NRP1: variants seen among roughly 807,000 people sequenced by gnomAD.
NRP1 encodes the protein neuropilin 1, also known as neuropilin-1.
NRP1 carries 35 observed loss-of-function variants against 106.7 expected under a neutral mutation model. The ratio of observed to expected loss-of-function variants is 0.33; its 90% CI spans 0.25 to 0.43. The LOEUF is 0.43. NRP1 is among the 20% of genes least tolerant of loss of function. The pLI is 1.00. For missense variants in NRP1, 1,024 were observed against 1,170.4 expected (o/e 0.87, Z 1.83); for synonymous variants, 437 against 417.9 (o/e 1.05, Z -0.56).
intron 2 of NRP1, among the ~76,000 whole-genome samples, chr10:33,280,058 A>C (rs1844002860): frequency 6.6e-6 from 1 of 152,254 alleles, no homozygotes; most frequent in African/African-American, 2.4e-5. Flanking sequence ...ATAACAGCTT[A>C]ACTCAAAAAT....
chr10:33,275,938 A>G (rs1197517489), intron 2 of NRP1, among the ~76,000 whole-genome samples: 1 of 152,114 alleles, frequency 6.6e-6, no homozygotes, highest in Non-Finnish European at 1.5e-5. Context: ...AAAACAAAAA[A>G]AACTCAACAA....
chr10:33,307,340 A>G (rs2132750340), intron 2 of NRP1, among the ~76,000 whole-genome samples: 1 of 152,256 alleles, frequency 6.6e-6, no homozygotes, highest in Non-Finnish European at 1.5e-5. Context: ...TCATTTGCCT[A>G]TTGTCTATGG....
intron 2 of NRP1, among the ~76,000 whole-genome samples, chr10:33,315,545 T>C (rs1168762236): frequency 5.3e-5 from 8 of 152,160 alleles, no homozygotes; most frequent in Non-Finnish European, 1.0e-4. Flanking sequence ...ACCTACTATA[T>C]GCAAAACACT....
In NRP1 at chr10:33,199,384, TATA is replaced by T. The variant is rs1564372785; in HGVS notation, c.1865-1678_1865-1676del. On this transcript the variant is annotated intron_variant, in intron 11 of 16. Transcript: ENST00000374867. ...GCTGTTTTCTATATATATATATATA[TATA>T]TATTTTTTTTTTTTTTTTTTTTTTT... Among the ~76,000 whole-genome samples, 4 of 73,118 alleles carry T rather than the reference TATA, an allele frequency of 5.5e-5. No individual in the cohort carries two copies. In the East Asian group the frequency reaches 1.9e-3, roughly 34 times the overall value. 48.0% of individuals were successfully genotyped at this position (73,118 alleles called of 152,430 possible).
intron 2 of NRP1, among the ~76,000 whole-genome samples, chr10:33,326,720 T>G (rs1847913470): frequency 6.6e-6 from 1 of 152,308 alleles, no homozygotes; most frequent in Non-Finnish European, 1.5e-5. Flanking sequence ...AGACACAGAA[T>G]GTTGCATGTT....
chr10:33,240,964 T>G (rs1335375361), intron 6 of NRP1, among the ~76,000 whole-genome samples: 1 of 152,232 alleles, frequency 6.6e-6, no homozygotes, highest in Non-Finnish European at 1.5e-5. Context: ...GTTGGAAGCT[T>G]ATCATTCAGC....
intron 2 of NRP1, among the ~76,000 whole-genome samples, chr10:33,273,493 C>T (rs1029788884): frequency 6.6e-6 from 1 of 152,206 alleles, no homozygotes. Context: ...CACTGCAACG[C>T]ACCCAGCCTG....
chr10:33,258,194 G>A (rs1842331073), intron 4 of NRP1, among the ~76,000 whole-genome samples: 1 of 152,150 alleles, frequency 6.6e-6, no homozygotes, highest in Non-Finnish European at 1.5e-5. Context: ...TTCGTGGATT[G>A]CACAGATCCT....
intron 11 of NRP1, chr10:33,201,913 C>T (rs2284944): frequency 0.24 from 35,818 of 152,004 alleles, 4,785 homozygotes; most frequent in East Asian, 0.57. Flanking sequence ...CTCTAGGACA[C>T]TTCCTTCCAG....
intron 2 of NRP1, among the ~76,000 whole-genome samples, chr10:33,278,751 G>A (rs142831965): frequency 8.6e-5 from 13 of 152,020 alleles, no homozygotes; most frequent in African/African-American, 2.2e-4. Flanking sequence ...ACCAGTTCTC[G>A]AATAATCAAA....
chr10:33,255,662 G>A (rs1842148693), intron 5 of NRP1, among the ~76,000 whole-genome samples: 1 of 152,122 alleles, frequency 6.6e-6, no homozygotes, highest in South Asian at 2.1e-4. Context: ...ATATTGCCAA[G>A]GCTGGGCTCC....
chr10:33,305,948 T>C (rs1846124858), intron 2 of NRP1, among the ~76,000 whole-genome samples: 1 of 151,922 alleles, frequency 6.6e-6, no homozygotes, highest in South Asian at 2.1e-4. Context: ...TTTGTATTTT[T>C]AGTAGAGATG....
At chr10:33,305,448 C>A (rs559188732) in intron 2 of NRP1, among the ~76,000 whole-genome samples, 4 of 152,068 alleles carry the variant, frequency 2.6e-5, no homozygotes, top group South Asian at 2.1e-4. Context: ...AACACCAGAT[C>A]GTGATTATGC....
chr10:33,308,558 C>G (rs989973965), intron 2 of NRP1, among the ~76,000 whole-genome samples: 1 of 152,024 alleles, frequency 6.6e-6, no homozygotes, highest in African/African-American at 2.4e-5. Context: ...GCGATCTCGG[C>G]TCACTGCAGC....
rs201658233 is a variant in NRP1, at chr10:33,291,726, G to GT, written c.249-20871dup. ...ACATTTAAAACACAGATTGCGAAGT[G>GT]TTTTTTGGAAGCAGAGAATCAATTA... is the stretch of plus-strand genomic sequence containing the variant. On this transcript the variant is annotated intron_variant, in intron 2 of 16. Coordinates refer to ENST00000374867, the MANE Select transcript of NRP1 (RefSeq NM_003873.7). Among the ~76,000 whole-genome samples, 832 of 152,248 alleles carry GT rather than the reference G, an allele frequency of 5.5e-3. 10 individuals are homozygous for GT. Among genetic ancestry groups the GT allele is most frequent in the African/African-American group, 0.019 (786 of 41,560 alleles).
At position 33,270,718 on chromosome 10, in the gene NRP1, T is replaced by A; in HGVS notation, c.387A>T (p.Thr129=). 6.2e-7 allele frequency: 1 copy of A among 1,613,988 alleles called. No homozygotes were observed. Among genetic ancestry groups the A allele is most frequent in the Non-Finnish European group, 8.5e-7 (1 of 1,179,944 alleles). Residue 129 remains threonine, a synonymous_variant, in exon 3 of 17, where the codon ACA becomes ACT. Transcript: ENST00000374867. ...AACGTATGGAAAATCCTGCACCATG[T>A]GTTTCGTAGTCAGAGACAAATTTGA... ...LFIKFVSDYE[T]HGAGFSIRYE... is the part of the protein sequence containing the mutation.
At chr10:33,286,304 G>A (rs1844533480) in intron 2 of NRP1, among the ~76,000 whole-genome samples, 2 of 152,178 alleles carry the variant, frequency 1.3e-5, no homozygotes, top group African/African-American at 4.8e-5. Context: ...CACAGGCTCT[G>A]CAAAACGTGT....
At chr10:33,281,206 C>A (rs1304935709) in intron 2 of NRP1, among the ~76,000 whole-genome samples, 2 of 151,984 alleles carry the variant, frequency 1.3e-5, no homozygotes, top group African/African-American at 4.8e-5. Flanking sequence ...AGCACCACCA[C>A]ACCCAGCTAA....
intron 7 of NRP1, among the ~76,000 whole-genome samples, chr10:33,224,755 T>C (rs1230511032): frequency 1.3e-5 from 2 of 152,136 alleles, no homozygotes; most frequent in Non-Finnish European, 2.9e-5. Context: ...GTGTGTGTTG[T>C]TCCCTGCAAT....
Sources: allele counts gnomAD v4.1 joint callset (sites outside exome capture counted in the v4.1 genomes callset), GRCh38; gene constraint gnomAD v4.1.1; transcripts MANE v1.5; gene names NCBI Gene and HGNC (gene_info 2026-07-23, HGNC 2026-07-21).